IQSEC1: variants seen among roughly 807,000 people sequenced by gnomAD.
IQSEC1 encodes IQ motif and SEC7 domain-containing protein 1.
In IQSEC1, 31 loss-of-function variants were observed where a neutral mutation model predicts 91.0. The observed-to-expected ratio is 0.34, with a 90% CI of 0.26 to 0.46. IQSEC1 has a LOEUF of 0.46. Ranked by LOEUF, IQSEC1 falls within the 20% of genes least tolerant of loss-of-function variation. IQSEC1 has a pLI of 1.00. For synonymous variants in IQSEC1, 699 were observed against 662.6 expected (o/e 1.05, Z -0.84); for missense variants, 1,388 against 1,575.6 (o/e 0.88, Z 2.02).
intron 1 of IQSEC1, among the ~76,000 whole-genome samples, chr3:13,168,331 C>T (rs527518920): frequency 2.0e-5 from 3 of 152,310 alleles, no homozygotes; most frequent in South Asian, 4.1e-4. Flanking sequence ...GAGGTAATCG[C>T]TATCACATTT....
chr3:13,263,872 C>T (rs1400678155), intron 1 of IQSEC1, among the ~76,000 whole-genome samples: 1 of 152,204 alleles, frequency 6.6e-6, no homozygotes, highest in African/African-American at 2.4e-5. Context: ...CTCAGCCAAG[C>T]TCTCAGCCCC....
chr3:13,061,625 G>A (rs556678580), intron 1 of IQSEC1, among the ~76,000 whole-genome samples: 43 of 152,248 alleles, frequency 2.8e-4, no homozygotes, highest in Non-Finnish European at 5.4e-4. Flanking sequence ...GGGGCCAGCC[G>A]TCCGGTGGGG....
intron 1 of IQSEC1, among the ~76,000 whole-genome samples, chr3:13,239,848 G>A (rs1449376358): frequency 6.6e-6 from 1 of 152,212 alleles, no homozygotes; most frequent in Non-Finnish European, 1.5e-5. Flanking sequence ...GGAGACCAGA[G>A]TTGGATGGGG....
rs1378510521 is a variant in IQSEC1 at position 13,005,377 on chromosome 3, G to T, written c.24-63512C>A. Among the ~76,000 whole-genome samples, 4 of 152,288 alleles carry T rather than the reference G, an allele frequency of 2.6e-5. No individual in the cohort carries two copies. The East Asian group carries it at 7.7e-4, about 29-fold the overall frequency. ...CTCTGGAAGATGAGGGGATCTGGGG[G>T]CCCAGAGCCAGGCACCCCAGTGTTA... On this transcript the variant is annotated intron_variant, in intron 1 of 13. Coordinates refer to ENST00000613206, the MANE Select transcript of IQSEC1 (RefSeq NM_001134382.3).
chr3:13,174,885 C>A (rs1451056806), intron 1 of IQSEC1, among the ~76,000 whole-genome samples: 1 of 151,810 alleles, frequency 6.6e-6, no homozygotes, highest in East Asian at 1.9e-4. Flanking sequence ...ACTCCAGCCA[C>A]CAGTCCTCCC....
Position 12,909,356 on chromosome 3 carries a change from T to C in IQSEC1, c.2495A>G (p.Asn832Ser), listed in dbSNP as rs776155190. The change falls in exon 11 of 14, where the codon AAC (asparagine) becomes AGC (serine). Residue 832 changes from asparagine to serine, a missense_variant. Around this residue, in one of 2 missense-constraint regions of IQSEC1, gnomAD observed 1,059 missense variants for 1,317.8 expected, o/e 0.80. Coordinates refer to ENST00000613206, the MANE Select transcript of IQSEC1 (RefSeq NM_001134382.3). This position sits in a 1 kb window ranked among gnomAD's most constrained non-coding sequence, Gnocchi z 4.9. Reference protein sequence around the residue: ...IKVLINFNAPNPQDRKKFTDD... With the variant: ...IKVLINFNAPSPQDRKKFTDD... Reference sequence around the variant, plus strand: ...GGTGAATTTCTTCCGGTCTTGAGGGTTGGGGGCGTTGAAGTTTATTAACAC... The same window carrying C: ...GGTGAATTTCTTCCGGTCTTGAGGGCTGGGGGCGTTGAAGTTTATTAACAC... 3.7e-6 allele frequency: 6 copies of C among 1,613,870 alleles called. No homozygotes were observed. In the Admixed American group the frequency reaches 6.7e-5, roughly 18 times the overall value.
intron 1 of IQSEC1, among the ~76,000 whole-genome samples, chr3:13,234,692 C>G (rs1694895154): frequency 6.6e-6 from 1 of 152,174 alleles, no homozygotes; most frequent in Admixed American, 6.5e-5. Flanking sequence ...TCCCCAAATC[C>G]CACACACAAG....
intron 2 of IQSEC1, among the ~76,000 whole-genome samples, chr3:13,132,911 A>G (rs1008759619): frequency 1.3e-5 from 2 of 152,220 alleles, no homozygotes; most frequent in African/African-American, 4.8e-5. Flanking sequence ...CCCCGAATGC[A>G]CAGATCACCT....
intron 1 of IQSEC1, among the ~76,000 whole-genome samples, chr3:13,007,002 G>C (rs996365851): frequency 3.3e-5 from 5 of 152,214 alleles, no homozygotes; most frequent in African/African-American, 1.2e-4. Flanking sequence ...TTATAGATGA[G>C]GAAACAGATT....
chr3:13,098,058 C>G (rs1705994768), intron 2 of IQSEC1, among the ~76,000 whole-genome samples: 1 of 152,274 alleles, frequency 6.6e-6, no homozygotes, highest in Admixed American at 6.5e-5. Flanking sequence ...GTGGTGCCCT[C>G]AATGTCTGTC....
intron 1 of IQSEC1, among the ~76,000 whole-genome samples, chr3:13,217,892 C>T (rs1223617365): frequency 6.6e-6 from 1 of 152,176 alleles, no homozygotes; most frequent in Non-Finnish European, 1.5e-5. Context: ...CTGAAAGAGG[C>T]CCAGACACCA....
At chr3:12,946,197 C>T (rs1360773071) in intron 1 of IQSEC1, among the ~76,000 whole-genome samples, 1 of 152,220 alleles carries the variant, frequency 6.6e-6, no homozygotes, top group Non-Finnish European at 1.5e-5. Context: ...TATATCCCTG[C>T]CCCGACCTCT....
intron 1 of IQSEC1, among the ~76,000 whole-genome samples, chr3:13,066,165 G>A (rs774112218): frequency 6.6e-6 from 1 of 152,084 alleles, no homozygotes; most frequent in Non-Finnish European, 1.5e-5. Flanking sequence ...TTGGCTGCAC[G>A]GCACTGTGAA....
chr3:13,037,416 C>T (rs1017814146), intron 1 of IQSEC1, among the ~76,000 whole-genome samples: 10 of 152,198 alleles, frequency 6.6e-5, no homozygotes, highest in Admixed American at 2.0e-4. Flanking sequence ...AGAGCAGATA[C>T]TTAGACCGGG....
rs1166647145 is a variant in IQSEC1, at chr3:12,994,828, G to T, written c.24-52963C>A. ...CGACCTCGATTTAGATGCTGGGACG[G>T]GCCCTGGTGGCCTGGCGACTGTTAC... is the stretch of plus-strand genomic sequence containing the variant. On this transcript the variant is annotated intron_variant, in intron 1 of 13. Transcript: ENST00000613206. This position sits in a 1 kb window ranked among gnomAD's most constrained non-coding sequence, Gnocchi z 4.5. Among the ~76,000 whole-genome samples, 1 of 152,260 alleles carries T rather than the reference G, an allele frequency of 6.6e-6. No individual in the cohort carries two copies. Among genetic ancestry groups the T allele is most frequent in the East Asian group, 1.9e-4 (1 of 5,196 alleles).
intron 2 of IQSEC1, among the ~76,000 whole-genome samples, chr3:13,152,869 C>CAAAAT (rs1480722937): frequency 2.0e-5 from 3 of 149,402 alleles, no homozygotes; most frequent in Non-Finnish European, 3.0e-5. Flanking sequence ...GACTCCGTCT[C>CAAAAT]AAAACAAAAC....
In IQSEC1 at chr3:12,979,982, A is replaced by C. The variant is rs1174480571; in HGVS notation, c.24-38117T>G. ...GGGAAGGCAGCCTGGTGCCAGGGGCATGCAGCTGGAGGCCTCCACGTCCTG... is the reference window on the plus strand; with the variant it reads ...GGGAAGGCAGCCTGGTGCCAGGGGCCTGCAGCTGGAGGCCTCCACGTCCTG... On this transcript the variant is annotated intron_variant, in intron 1 of 13. Transcript: ENST00000613206. The surrounding 1 kb of genome is among the most constrained non-coding windows in gnomAD (Gnocchi z 4.3). 6.6e-6 allele frequency among the ~76,000 whole-genome samples: 1 copy of C among 152,206 alleles called. No individual in the cohort carries two copies. Among genetic ancestry groups the C allele is most frequent in the Non-Finnish European group, 1.5e-5 (1 of 68,016 alleles).
intron 1 of IQSEC1, among the ~76,000 whole-genome samples, chr3:13,033,816 G>T (rs1444742157): frequency 6.6e-6 from 1 of 152,274 alleles, no homozygotes; most frequent in African/African-American, 2.4e-5. Flanking sequence ...ACCCAGCCTG[G>T]GGAGGGCAGT....
chr3:13,171,714 T>C (rs1304453682), intron 1 of IQSEC1, among the ~76,000 whole-genome samples: 1 of 152,188 alleles, frequency 6.6e-6, no homozygotes, highest in Admixed American at 6.5e-5. Flanking sequence ...CTATAATGCT[T>C]AAATGCCTCT....
Sources: allele counts gnomAD v4.1 joint callset (sites outside exome capture counted in the v4.1 genomes callset), GRCh38; gene constraint gnomAD v4.1.1; regional missense constraint gnomAD v4.1.1; non-coding constraint Gnocchi (gnomAD v3.1); transcripts MANE v1.5; gene names NCBI Gene and HGNC (gene_info 2026-07-23, HGNC 2026-07-21).